SYBU: variants seen among roughly 807,000 people sequenced by gnomAD.
SYBU encodes the protein syntabulin, also known as GOLSYN A protein.
Under a neutral mutation model 35.9 loss-of-function variants are expected in SYBU, and 21 were observed. The ratio of observed to expected loss-of-function variants is 0.58; its 90% CI spans 0.41 to 0.84. The LOEUF is 0.84. Ranked by LOEUF, SYBU falls within the 40% of genes least tolerant of loss-of-function variation. The pLI, the probability that SYBU is intolerant of heterozygous loss-of-function variation, is 0.00. For missense variants in SYBU, 768 were observed against 848.2 expected (o/e 0.91, Z 1.17); for synonymous variants, 319 against 324.3 (o/e 0.98, Z 0.18).
chr8:109,648,626 G>A (rs1195524132), upstream of SYBU: 4 of 152,078 alleles, frequency 2.6e-5, no homozygotes, highest in African/African-American at 4.8e-5. Context: ...AAAAGAAAAC[G>A]CCTGCACCAA....
At chr8:109,593,776 C>T (rs1824550434) in intron 3 of SYBU, among the ~76,000 whole-genome samples, 1 of 152,170 alleles carries the variant, frequency 6.6e-6, no homozygotes, top group Non-Finnish European at 1.5e-5. Flanking sequence ...TCATCATCTC[C>T]CACACTGACT....
At chr8:109,677,659 C>A (rs1425411104) in intron 1 of SYBU, among the ~76,000 whole-genome samples, 1 of 152,180 alleles carries the variant, frequency 6.6e-6, no homozygotes, top group Admixed American at 6.5e-5. Context: ...CTGTGCTAGA[C>A]TTTTATCATG....
intron 1 of SYBU, among the ~76,000 whole-genome samples, chr8:109,670,155 T>C (rs1051194582): frequency 6.6e-6 from 1 of 152,056 alleles, no homozygotes; most frequent in African/African-American, 2.4e-5. Flanking sequence ...TTTATTATTC[T>C]GTTATTAGCT....
intron 1 of SYBU, among the ~76,000 whole-genome samples, chr8:109,650,230 A>G (rs1816068569): frequency 6.6e-6 from 1 of 152,234 alleles, no homozygotes; most frequent in Non-Finnish European, 1.5e-5. Context: ...GGGTTCCTGG[A>G]AAGCAGAACA....
chr8:109,686,224 C>A (rs1395829394), intron 1 of SYBU, among the ~76,000 whole-genome samples: 1 of 146,458 alleles, frequency 6.8e-6, no homozygotes, highest in Non-Finnish European at 1.5e-5. Context: ...GGACAAAGCA[C>A]CCCCCGACAG....
chr8:109,591,667 A>G (rs1230688798), intron 3 of SYBU, among the ~76,000 whole-genome samples: 1 of 149,260 alleles, frequency 6.7e-6, no homozygotes, highest in Non-Finnish European at 1.5e-5. Flanking sequence ...GCCCGCCACC[A>G]CGCCCGGCTA....
At chr8:109,638,785 C>G (rs1814522232) in intron 2 of SYBU, among the ~76,000 whole-genome samples, 1 of 152,074 alleles carries the variant, frequency 6.6e-6, no homozygotes, top group South Asian at 2.1e-4. Context: ...TGTTTGAAGA[C>G]TAGAATGATG....
chr8:109,655,891 G>C (rs1209019333), intron 1 of SYBU, among the ~76,000 whole-genome samples: 1 of 152,096 alleles, frequency 6.6e-6, no homozygotes, highest in African/African-American at 2.4e-5. Context: ...GAGGTGGGCA[G>C]ATCATTTGAG....
At chr8:109,659,945 G>A (rs1170480734) in intron 1 of SYBU, among the ~76,000 whole-genome samples, 1 of 151,892 alleles carries the variant, frequency 6.6e-6, no homozygotes, top group African/African-American at 2.4e-5. Flanking sequence ...TCATAAAAAA[G>A]AACAAAAATG....
intron 1 of SYBU, among the ~76,000 whole-genome samples, chr8:109,670,807 T>C (rs1359862836): frequency 1.3e-5 from 2 of 152,164 alleles, no homozygotes. Context: ...ATTTCTTCCA[T>C]TTATAATAGA....
chr8:109,663,130 C>T (rs920694458), intron 1 of SYBU, among the ~76,000 whole-genome samples: 2 of 152,058 alleles, frequency 1.3e-5, no homozygotes, highest in Non-Finnish European at 2.9e-5. Flanking sequence ...AGTTTAATGC[C>T]ATTGTCAGAG....
intron 2 of SYBU, 50 bp downstream of exon 2, chr8:109,642,678 C>T: frequency 7.5e-7 from 1 of 1,328,802 alleles, no homozygotes; most frequent in Non-Finnish European, 1.0e-6. Flanking sequence ...CACAATGCAC[C>T]TGCAGTGCAC....
intron 3 of SYBU, among the ~76,000 whole-genome samples, chr8:109,593,190 CAT>C (rs1454273144): frequency 6.6e-6 from 1 of 152,076 alleles, no homozygotes; most frequent in Non-Finnish European, 1.5e-5. Flanking sequence ...GTCCATGAAC[CAT>C]ATTATGAGGA....
At chr8:109,683,696 G>T (rs2130786699), upstream of SYBU, among the ~76,000 whole-genome samples, 1 of 152,294 alleles carries the variant, frequency 6.6e-6, no homozygotes, top group Admixed American at 6.5e-5. Flanking sequence ...GGGGCAGAAT[G>T]ATAGGGTTTG....
intron 1 of SYBU, among the ~76,000 whole-genome samples, chr8:109,673,677 A>C (rs113438762): frequency 0.097 from 14,737 of 152,276 alleles, 1,085 homozygotes; most frequent in Admixed American, 0.22. Flanking sequence ...CGAACAGGGA[A>C]TATATTTGAC....
intron 3 of SYBU, among the ~76,000 whole-genome samples, chr8:109,604,822 C>G (rs1320586408): frequency 6.6e-6 from 1 of 152,144 alleles, no homozygotes; most frequent in Non-Finnish European, 1.5e-5. Context: ...AGGCAGTAAC[C>G]CAGTATCGGA....
chr8:109,631,691 C>A (rs2130528151), intron 2 of SYBU, among the ~76,000 whole-genome samples: 1 of 152,106 alleles, frequency 6.6e-6, no homozygotes, highest in East Asian at 1.9e-4. Flanking sequence ...GAGGTTTTGG[C>A]GAGGGAGGAG....
upstream of SYBU, chr8:109,647,670 C>CA (rs1402022327): frequency 6.6e-6 from 1 of 152,232 alleles, no homozygotes; most frequent in Admixed American, 6.5e-5. Flanking sequence ...AGATAAAGAA[C>CA]ATAGATACAA....
At chr8:109,644,253 A>C (rs538454983) in intron 1 of SYBU, 1 of 493,026 alleles carries the variant, frequency 2.0e-6, no homozygotes, top group African/African-American at 1.9e-5. Context: ...CGCCGGGCAC[A>C]CCGCAGACCC....
Sources: allele counts gnomAD v4.1 joint callset (sites outside exome capture counted in the v4.1 genomes callset), GRCh38; gene constraint gnomAD v4.1.1; transcripts MANE v1.5; gene names NCBI Gene and HGNC (gene_info 2026-07-23, HGNC 2026-07-21).